Variants in CDH13 observed in about 807,000 individuals in gnomAD.
CDH13 encodes cadherin-13.
CDH13 carries 24 observed loss-of-function variants against 63.8 expected under a neutral mutation model. That is an observed-to-expected ratio of 0.38 (90% CI 0.27 to 0.53). CDH13 has a LOEUF of 0.53. Ranked by LOEUF, CDH13 falls within the 20% of genes least tolerant of loss-of-function variation. CDH13 has a pLI of 0.85. For synonymous variants in CDH13, 503 were observed against 355.3 expected (o/e 1.42, Z -4.67); for missense variants, 1,049 against 903.1 (o/e 1.16, Z -2.07).
At chr16:83,335,597 A>T (rs542107496) in intron 5 of CDH13, among the ~76,000 whole-genome samples, 192 of 152,234 alleles carry the variant, frequency 1.3e-3, no homozygotes, top group Admixed American at 2.4e-3. Flanking sequence ...TAAAAACTAA[A>T]AGGCAGAAAT....
At chr16:83,365,537 C>G (rs904067027) in intron 6 of CDH13, among the ~76,000 whole-genome samples, 1 of 152,198 alleles carries the variant, frequency 6.6e-6, no homozygotes, top group Non-Finnish European at 1.5e-5. Flanking sequence ...ATGATCTCCA[C>G]CTCCTGGCAT....
intron 2 of CDH13, among the ~76,000 whole-genome samples, chr16:82,903,479 C>T (rs568344444): frequency 6.6e-6 from 1 of 152,212 alleles, no homozygotes; most frequent in African/African-American, 2.4e-5. Flanking sequence ...ATCGTTTCTT[C>T]CCACCTAGTT....
intron 1 of CDH13, chr16:82,646,222 C>G (rs994724134): frequency 7.2e-5 from 11 of 152,254 alleles, no homozygotes; most frequent in African/African-American, 2.7e-4. Context: ...CGGAGTCTCG[C>G]TCTTTCACCC....
intron 5 of CDH13, among the ~76,000 whole-genome samples, chr16:83,252,131 T>C (rs375573378): frequency 1.4e-3 from 25 of 17,340 alleles, no homozygotes; most frequent in Non-Finnish European, 2.0e-3. Context: ...CACACACACA[T>C]ATATATGTAT....
At chr16:83,248,702 G>A (rs953268999) in intron 5 of CDH13, among the ~76,000 whole-genome samples, 5 of 151,876 alleles carry the variant, frequency 3.3e-5, no homozygotes, top group Admixed American at 3.3e-4. Flanking sequence ...AATCTTAACT[G>A]AGCCTTCTCC....
chr16:83,263,780 C>G (rs1317659924), intron 5 of CDH13, among the ~76,000 whole-genome samples: 1 of 152,118 alleles, frequency 6.6e-6, no homozygotes, highest in Non-Finnish European at 1.5e-5. Flanking sequence ...GGCCTCAATC[C>G]CAGCCACTTA....
chr16:83,450,306 T>A (rs2072850154), intron 6 of CDH13, among the ~76,000 whole-genome samples: 1 of 152,154 alleles, frequency 6.6e-6, no homozygotes, highest in Non-Finnish European at 1.5e-5. Context: ...GGAGTGCAGC[T>A]TGTTCTATGA....
chr16:82,790,105 A>G (rs906760432), intron 1 of CDH13, among the ~76,000 whole-genome samples: 1 of 152,044 alleles, frequency 6.6e-6, no homozygotes, highest in Non-Finnish European at 1.5e-5. Flanking sequence ...ACACATGCCT[A>G]CACCCCCCCT....
intron 2 of CDH13, among the ~76,000 whole-genome samples, chr16:83,013,151 A>C (rs752776103): frequency 6.6e-6 from 1 of 152,248 alleles, no homozygotes. Context: ...TAAATATTTA[A>C]GGCTTATGAG....
At chr16:82,770,945 G>T (rs2035238649) in intron 1 of CDH13, among the ~76,000 whole-genome samples, 2 of 152,210 alleles carry the variant, frequency 1.3e-5, no homozygotes, top group South Asian at 4.1e-4. Flanking sequence ...TAAGCTCTGA[G>T]CTCAGGCAAT....
chr16:83,182,634 A>G (rs1400539816), intron 4 of CDH13, among the ~76,000 whole-genome samples: 1 of 152,230 alleles, frequency 6.6e-6, no homozygotes, highest in African/African-American at 2.4e-5. Context: ...TATAGTCTAA[A>G]TGCTTATTGT....
At chr16:83,580,361 G>A (rs1240210747) in intron 7 of CDH13, among the ~76,000 whole-genome samples, 1 of 151,790 alleles carries the variant, frequency 6.6e-6, no homozygotes, top group African/African-American at 2.4e-5. Context: ...GATCAACTTA[G>A]TAATTGATTA....
intron 1 of CDH13, among the ~76,000 whole-genome samples, chr16:82,774,078 C>T (rs893243299): frequency 1.4e-4 from 22 of 152,102 alleles, no homozygotes; most frequent in African/African-American, 4.6e-4. Flanking sequence ...ACACCGTGCC[C>T]GGCCAGTATT....
chr16:82,903,491 T>C (rs1479782112), intron 2 of CDH13, among the ~76,000 whole-genome samples: 1 of 152,238 alleles, frequency 6.6e-6, no homozygotes, highest in African/African-American at 2.4e-5. Flanking sequence ...CACCTAGTTT[T>C]TTCCTAATTC....
Position 83,380,112 on chromosome 16 carries a change from T to G in CDH13, c.781+35106T>G, listed in dbSNP as rs541661677. 1.6e-4 allele frequency among the ~76,000 whole-genome samples: 24 copies of G among 152,104 alleles called. No homozygotes were observed. The South Asian group carries it at 4.6e-3, about 29-fold the overall frequency. ...GATGATTCAAAATGGACATTGGTAT[T>G]CTTGCGTGAGGATGAGAGTGGTTGT... On this transcript the variant is annotated intron_variant, in intron 6 of 13. Coordinates refer to ENST00000567109, the MANE Select transcript of CDH13 (RefSeq NM_001257.5).
rs568622197 is a variant in CDH13, at chr16:83,063,439, T to C, written c.366+31221T>C. ...AAATAGATTCAGCTCTTCATGAAGA[T>C]TGGCAAGGAATGTGCAGCCATTTTC... On this transcript the variant is annotated intron_variant, in intron 3 of 13. Coordinates refer to ENST00000567109, the MANE Select transcript of CDH13 (RefSeq NM_001257.5). Among the ~76,000 whole-genome samples, 72 of 152,234 alleles carry C rather than the reference T, an allele frequency of 4.7e-4. No individual in the cohort carries two copies. In the South Asian group the frequency reaches 5.4e-3, roughly 11 times the overall value.
intron 6 of CDH13, among the ~76,000 whole-genome samples, chr16:83,363,372 G>A (rs1447478124): frequency 1.3e-5 from 2 of 152,198 alleles, no homozygotes; most frequent in African/African-American, 4.8e-5. Flanking sequence ...GTATGCATGT[G>A]TGCAAGTATG....
At chr16:83,654,942 A>G (rs1439643080) in intron 8 of CDH13, 5 of 152,246 alleles carry the variant, frequency 3.3e-5, no homozygotes, top group African/African-American at 4.8e-5. Flanking sequence ...TCAGTCCACC[A>G]GTGGGCCATG....
chr16:83,452,642 C>T (rs1237764270), intron 6 of CDH13, among the ~76,000 whole-genome samples: 1 of 151,948 alleles, frequency 6.6e-6, no homozygotes, highest in Non-Finnish European at 1.5e-5. Context: ...TGTTGGGTTC[C>T]TGCAAAGACA....
Sources: allele counts gnomAD v4.1 joint callset (sites outside exome capture counted in the v4.1 genomes callset), GRCh38; gene constraint gnomAD v4.1.1; transcripts MANE v1.5; gene names NCBI Gene and HGNC (gene_info 2026-07-23, HGNC 2026-07-21).